GRIN3A: variants seen among roughly 807,000 people sequenced by gnomAD.
GRIN3A encodes glutamate receptor ionotropic, NMDA 3A.
GRIN3A carries 47 observed loss-of-function variants against 92.4 expected under a neutral mutation model. That is an observed-to-expected ratio of 0.51 (90% CI 0.40 to 0.65). GRIN3A has a LOEUF of 0.65. GRIN3A is among the 30% of genes least tolerant of loss of function. The pLI is 0.00. For synonymous variants in GRIN3A, 527 were observed against 540.6 expected (o/e 0.97, Z 0.35); for missense variants, 1,324 against 1,393.1 (o/e 0.95, Z 0.79).
chr9:101,648,642 T>A (rs1328971571), intron 3 of GRIN3A, among the ~76,000 whole-genome samples: 1 of 152,128 alleles, frequency 6.6e-6, no homozygotes, highest in African/African-American at 2.4e-5. Context: ...GGTACTCCAG[T>A]GTTGAATACA....
At chr9:101,693,844 G>A (rs1394716581) in intron 1 of GRIN3A, among the ~76,000 whole-genome samples, 1 of 152,144 alleles carries the variant, frequency 6.6e-6, no homozygotes, top group African/African-American at 2.4e-5. Context: ...TTTGTGTTTG[G>A]TAGAGTAAGC....
At chr9:101,587,625 C>T (rs970625680) in intron 6 of GRIN3A, among the ~76,000 whole-genome samples, 3 of 152,128 alleles carry the variant, frequency 2.0e-5, no homozygotes. Flanking sequence ...AATATTTTTC[C>T]CCAGAGCAAA....
chr9:101,577,848 A>T lies in GRIN3A; in HGVS notation c.2932-4T>A. 2 of 1,606,316 alleles carry T rather than the reference A, an allele frequency of 1.2e-6. No homozygotes were observed. Among genetic ancestry groups the T allele is most frequent in the Non-Finnish European group, 8.5e-7 (1 of 1,174,266 alleles). ...TATTTATTGCTCTGTGTAATCTCTG[A>T]TGGAGAAAACAGATTCACAGGTAGA... On this transcript the variant is annotated splice_polypyrimidine_tract_variant and splice_region_variant and intron_variant, in intron 7 of 8. Coordinates refer to ENST00000361820, the MANE Select transcript of GRIN3A (RefSeq NM_133445.3).
intron 5 of GRIN3A, among the ~76,000 whole-genome samples, chr9:101,618,989 A>G (rs1336359380): frequency 2.0e-5 from 3 of 152,220 alleles, no homozygotes; most frequent in African/African-American, 7.2e-5. Context: ...GCATCCTGGA[A>G]ATTGGATACA....
chr9:101,687,250 C>G (rs1284226665), intron 1 of GRIN3A, 50 bp from the exon 2 acceptor site: 4 of 1,593,496 alleles, frequency 2.5e-6, no homozygotes, highest in Non-Finnish European at 3.4e-6. Context: ...TGGCCAAAGA[C>G]TTTAACATAG....
chr9:101,570,272 CT>C lies in GRIN3A; in HGVS notation c.*2901del, dbSNP rs1827740727. On this transcript the variant is annotated 3_prime_UTR_variant, in exon 9 of 9. Coordinates refer to ENST00000361820, the MANE Select transcript of GRIN3A (RefSeq NM_133445.3). ...AGAAAAGCAAGGTAGCGTCCCTTATCTCTTTCTTCTTTACCAGAATACCACC... is the reference window on the plus strand; with the variant it reads ...AGAAAAGCAAGGTAGCGTCCCTTATCCTTTCTTCTTTACCAGAATACCACC... 1 of 152,506 alleles carries C rather than the reference CT, an allele frequency of 6.6e-6. No homozygotes were observed. The highest frequency in any genetic ancestry group is 1.5e-5 in the Non-Finnish European group (1 of 68,048). The allele number at this position is 152,506 out of a possible 1,614,324, so 9.4% of individuals were successfully genotyped here. A position where few individuals can be genotyped will look rare whatever the true frequency, so the allele number is the denominator to read the frequency against.
At chr9:101,657,077 G>A (rs562100133) in intron 3 of GRIN3A, among the ~76,000 whole-genome samples, 10 of 151,926 alleles carry the variant, frequency 6.6e-5, no homozygotes, top group African/African-American at 1.4e-4. Flanking sequence ...TTTGTCTTAC[G>A]TTGAAATGTA....
At chr9:101,663,669 C>T (rs1356825264) in intron 3 of GRIN3A, among the ~76,000 whole-genome samples, 3 of 149,408 alleles carry the variant, frequency 2.0e-5, no homozygotes, top group Non-Finnish European at 4.5e-5. Context: ...TCATTTCCTA[C>T]TAAGGCTCTG....
chr9:101,700,441 C>A (rs1001679012), intron 1 of GRIN3A, among the ~76,000 whole-genome samples: 1 of 152,090 alleles, frequency 6.6e-6, no homozygotes, highest in Non-Finnish European at 1.5e-5. Flanking sequence ...AAAACTGGCA[C>A]CTGAATGCTG....
At chr9:101,716,379 G>C (rs1326843712) in intron 1 of GRIN3A, among the ~76,000 whole-genome samples, 1 of 152,174 alleles carries the variant, frequency 6.6e-6, no homozygotes, top group Non-Finnish European at 1.5e-5. Flanking sequence ...GTCAGCTGCT[G>C]TCATTAATCC....
intron 3 of GRIN3A, among the ~76,000 whole-genome samples, chr9:101,653,647 G>T (rs1829041918): frequency 6.6e-6 from 1 of 151,762 alleles, no homozygotes; most frequent in Non-Finnish European, 1.5e-5. Flanking sequence ...CTGTATCTGA[G>T]AACTGCTATT....
intron 2 of GRIN3A, among the ~76,000 whole-genome samples, chr9:101,682,778 C>A (rs1254035288): frequency 1.3e-5 from 2 of 151,944 alleles, no homozygotes; most frequent in Non-Finnish European, 2.9e-5. Context: ...GTCAGGAGAT[C>A]GAGACCATCC....
intron 6 of GRIN3A, among the ~76,000 whole-genome samples, chr9:101,599,703 T>C (rs1828186405): frequency 6.6e-6 from 1 of 152,120 alleles, no homozygotes; most frequent in Non-Finnish European, 1.5e-5. Context: ...GTAGGTCACA[T>C]GTAAAAATAA....
chr9:101,572,380 T>C lies in GRIN3A; in HGVS notation c.*794A>G, dbSNP rs373032678. 6.5e-6 allele frequency: 1 copy of C among 152,762 alleles called. No individual in the cohort carries two copies. The highest frequency in any genetic ancestry group is 6.5e-5 in the Admixed American group (1 of 15,286). The allele number at this position is 152,762 out of a possible 1,614,324, so 9.5% of individuals were successfully genotyped here. A position where few individuals can be genotyped will look rare whatever the true frequency, so the allele number is the denominator to read the frequency against. ...CACACACCATAGTGGAGATGCTTAG[T>C]TACATTAGAAGTAGTCTTATTCATT... is the stretch of plus-strand genomic sequence containing the variant. On this transcript the variant is annotated 3_prime_UTR_variant, in exon 9 of 9. Transcript: ENST00000361820.
chr9:101,635,685 T>G (rs1009615780), intron 3 of GRIN3A, among the ~76,000 whole-genome samples: 1 of 152,212 alleles, frequency 6.6e-6, no homozygotes, highest in African/African-American at 2.4e-5. Context: ...GTCTCCCTAC[T>G]GGAGGTCTTG....
At chr9:101,602,688 A>G (rs1828226932) in intron 6 of GRIN3A, among the ~76,000 whole-genome samples, 1 of 152,236 alleles carries the variant, frequency 6.6e-6, no homozygotes, top group African/African-American at 2.4e-5. Flanking sequence ...TCTGGCATAT[A>G]AAAGCGGGGA....
chr9:101,701,495 C>T (rs1829752277), intron 1 of GRIN3A, among the ~76,000 whole-genome samples: 1 of 152,050 alleles, frequency 6.6e-6, no homozygotes, highest in South Asian at 2.1e-4. Flanking sequence ...AACTGGGCCC[C>T]TACCTTTCAC....
intron 1 of GRIN3A, among the ~76,000 whole-genome samples, chr9:101,701,576 A>G (rs1418070026): frequency 6.6e-6 from 1 of 152,128 alleles, no homozygotes; most frequent in African/African-American, 2.4e-5. Flanking sequence ...AAACCCTAGG[A>G]AAACAAACAA....
At chr9:101,599,042 G>T (rs1564122971) in intron 6 of GRIN3A, among the ~76,000 whole-genome samples, 1 of 152,192 alleles carries the variant, frequency 6.6e-6, no homozygotes, top group African/African-American at 2.4e-5. Flanking sequence ...GTAATGGAGA[G>T]AGCATAGGAG....
Sources: gnomAD v4.1 joint callset for allele counts (sites outside exome capture counted in the v4.1 genomes callset) on GRCh38, gnomAD v4.1.1 for gene constraint, MANE v1.5 for transcripts, NCBI Gene and HGNC (gene_info 2026-07-23, HGNC 2026-07-21) for gene names.